Variants in DRC11 observed in about 807,000 individuals in gnomAD.
DRC11 encodes IQ and AAA domain-containing protein 1.
the DRC11 span, among the ~76,000 whole-genome samples, chr2:236,450,663 T>C: frequency 6.6e-6 from 1 of 152,336 alleles, no homozygotes; most frequent in African/African-American, 2.4e-5. Flanking sequence ...TAAAGCAATC[T>C]AGTTACTGCA....
At chr2:236,335,847 T>TG in the DRC11 span, among the ~76,000 whole-genome samples, 15 of 152,174 alleles carry the variant, frequency 9.9e-5, no homozygotes, top group Non-Finnish European at 2.2e-4. The surrounding 1 kb of genome is among the most constrained non-coding windows in gnomAD (Gnocchi z 5.6). Context: ...ATTGGCTGTG[T>TG]GGGCTGCGGC....
the DRC11 span, chr2:236,497,475 C>G: frequency 6.2e-7 from 1 of 1,603,944 alleles, no homozygotes; most frequent in Non-Finnish European, 8.5e-7. The surrounding 1 kb of genome is among the most constrained non-coding windows in gnomAD (Gnocchi z 5.1). Flanking sequence ...GATGCCACAT[C>G]TTATTATACA....
the DRC11 span, among the ~76,000 whole-genome samples, chr2:236,382,113 T>C: frequency 1.3e-5 from 2 of 152,228 alleles, no homozygotes; most frequent in Non-Finnish European, 2.9e-5. Context: ...TTTGAATTAA[T>C]TTTTATATAA....
the DRC11 span, among the ~76,000 whole-genome samples, chr2:236,420,642 CA>C: frequency 6.7e-6 from 1 of 150,174 alleles, no homozygotes; most frequent in South Asian, 2.1e-4. This position sits in a 1 kb window ranked among gnomAD's most constrained non-coding sequence, Gnocchi z 4.8. Context: ...CCCATGTCTA[CA>C]AAAAAAAACA....
At chr2:236,372,338 G>A in the DRC11 span, among the ~76,000 whole-genome samples, 1 of 152,110 alleles carries the variant, frequency 6.6e-6, no homozygotes, top group African/African-American at 2.4e-5. The surrounding 1 kb of genome is among the most constrained non-coding windows in gnomAD (Gnocchi z 4.5). Flanking sequence ...GTTTTCCAGT[G>A]GTTGTTGGCT....
chr2:236,403,867 C>T, the DRC11 span, among the ~76,000 whole-genome samples: 3 of 152,082 alleles, frequency 2.0e-5, no homozygotes, highest in Non-Finnish European at 4.4e-5. Context: ...CGCTGTGCCT[C>T]GGGGCCCCGA....
chr2:236,414,699 T>C, the DRC11 span, among the ~76,000 whole-genome samples: 11 of 152,232 alleles, frequency 7.2e-5, no homozygotes, highest in African/African-American at 2.4e-4. Context: ...TGTTTTCTTC[T>C]GTCTTTCAGT....
the DRC11 span, among the ~76,000 whole-genome samples, chr2:236,414,989 T>C: frequency 6.6e-6 from 1 of 152,196 alleles, no homozygotes; most frequent in African/African-American, 2.4e-5. Flanking sequence ...TCAGCAGTTC[T>C]CATGACTTTT....
At chr2:236,408,981 G>A in the DRC11 span, 1 of 709,532 alleles carries the variant, frequency 1.4e-6, no homozygotes, top group Non-Finnish European at 2.6e-6. The surrounding 1 kb of genome is among the most constrained non-coding windows in gnomAD (Gnocchi z 5.5). Context: ...GTCATCCTTA[G>A]GGCAGCTCTT....
chr2:236,506,202 A>C, the DRC11 span, among the ~76,000 whole-genome samples: 1 of 152,312 alleles, frequency 6.6e-6, no homozygotes, highest in East Asian at 1.9e-4. This position sits in a 1 kb window ranked among gnomAD's most constrained non-coding sequence, Gnocchi z 4.9. Flanking sequence ...TTCCTTTGCC[A>C]GGTCTCCTCT....
At chr2:236,392,518 C>T in the DRC11 span, 1 of 435,676 alleles carries the variant, frequency 2.3e-6, no homozygotes, top group Non-Finnish European at 4.0e-6. The surrounding 1 kb of genome is among the most constrained non-coding windows in gnomAD (Gnocchi z 5.1). Flanking sequence ...ATAAGCTGGA[C>T]AGATGAGATT....
chr2:236,433,094 T>C, the DRC11 span, among the ~76,000 whole-genome samples: 1 of 152,188 alleles, frequency 6.6e-6, no homozygotes, highest in African/African-American at 2.4e-5. Flanking sequence ...CTTGATTTTC[T>C]GTTCTTTTCC....
the DRC11 span, among the ~76,000 whole-genome samples, chr2:236,398,206 A>G: frequency 6.6e-6 from 1 of 152,178 alleles, no homozygotes; most frequent in Admixed American, 6.5e-5. This position sits in a 1 kb window ranked among gnomAD's most constrained non-coding sequence, Gnocchi z 6.2. Context: ...TCCCAGTGAA[A>G]ATGGATTGAG....
the DRC11 span, among the ~76,000 whole-genome samples, chr2:236,319,032 A>T: frequency 6.6e-6 from 1 of 152,126 alleles, no homozygotes; most frequent in Non-Finnish European, 1.5e-5. The surrounding 1 kb of genome is among the most constrained non-coding windows in gnomAD (Gnocchi z 6.7). Flanking sequence ...GTGAAATGAG[A>T]AGAAGGGTAG....
At chr2:236,346,363 C>T in the DRC11 span, among the ~76,000 whole-genome samples, 45 of 152,304 alleles carry the variant, frequency 3.0e-4, no homozygotes, top group African/African-American at 1.0e-3. Context: ...CCCTATGAAG[C>T]AGATAACAAT....
chr2:236,319,518 C>T, the DRC11 span, among the ~76,000 whole-genome samples: 22 of 152,264 alleles, frequency 1.4e-4, no homozygotes, highest in East Asian at 4.3e-3. This position sits in a 1 kb window ranked among gnomAD's most constrained non-coding sequence, Gnocchi z 6.7. Flanking sequence ...TTGTTTGCCA[C>T]GTTGAGGAAC....
At chr2:236,360,880 C>T in the DRC11 span, among the ~76,000 whole-genome samples, 1 of 152,190 alleles carries the variant, frequency 6.6e-6, no homozygotes, top group Non-Finnish European at 1.5e-5. This position sits in a 1 kb window ranked among gnomAD's most constrained non-coding sequence, Gnocchi z 5.8. Flanking sequence ...AAAACGAAGT[C>T]TCTGCAAGTT....
the DRC11 span, among the ~76,000 whole-genome samples, chr2:236,476,940 C>A: frequency 6.6e-6 from 1 of 152,118 alleles, no homozygotes; most frequent in Non-Finnish European, 1.5e-5. This position sits in a 1 kb window ranked among gnomAD's most constrained non-coding sequence, Gnocchi z 4.7. Flanking sequence ...TGTGTTGTTT[C>A]CCTCCCTGTG....
At chr2:236,399,548 A>T in the DRC11 span, 2 of 1,368,174 alleles carry the variant, frequency 1.5e-6, no homozygotes, top group South Asian at 2.3e-5. The surrounding 1 kb of genome is among the most constrained non-coding windows in gnomAD (Gnocchi z 7.0). Context: ...AAAGACGCAG[A>T]CGCTGTGATA....
Sources: gnomAD v4.1 joint callset for allele counts (sites outside exome capture counted in the v4.1 genomes callset) on GRCh38, gnomAD v4.1.1 for gene constraint, Gnocchi (gnomAD v3.1) non-coding constraint, MANE v1.5 for transcripts, NCBI Gene and HGNC (gene_info 2026-07-23, HGNC 2026-07-21) for gene names.